QPCT: variants seen among roughly 807,000 people sequenced by gnomAD.
QPCT encodes EC.
In QPCT, 44 loss-of-function variants were observed where a neutral mutation model predicts 43.4. That is an observed-to-expected ratio of 1.01 (90% CI 0.80 to 1.30). The LOEUF (loss-of-function observed/expected upper bound fraction) is 1.30, where lower values mean the gene tolerates loss of function less well. QPCT is among the 50% of genes most tolerant of loss of function. The probability of loss-of-function intolerance (pLI) is 0.00; values close to 1 mark genes in which losing one functional copy is unlikely to be tolerated. For synonymous variants in QPCT, 168 were observed against 168.4 expected, an observed-to-expected ratio of 1.00 and a Z score of 0.02; for missense variants, 526 against 436.5, an observed-to-expected ratio of 1.21 and a Z score of -1.83.
intron 1 of QPCT, among the ~76,000 whole-genome samples, chr2:37,345,454 T>G (rs1011738190): frequency 3.3e-5 from 5 of 152,236 alleles, no homozygotes; most frequent in Non-Finnish European, 7.4e-5. Flanking sequence ...GTACCTGCTA[T>G]TTTCAGAGAA....
chr2:37,348,069 TG>T (rs1558599942), intron 1 of QPCT, among the ~76,000 whole-genome samples: 55 of 151,696 alleles, frequency 3.6e-4, no homozygotes, highest in African/African-American at 1.3e-3. Flanking sequence ...CACGCGTGTG[TG>T]TGTGTGTGTG....
intron 3 of QPCT, among the ~76,000 whole-genome samples, chr2:37,365,908 A>G (rs1672949758): frequency 6.6e-6 from 1 of 152,242 alleles, no homozygotes; most frequent in Non-Finnish European, 1.5e-5. Flanking sequence ...TGTGGTCATG[A>G]ACTTTAAGCA....
intron 4 of QPCT, among the ~76,000 whole-genome samples, chr2:37,367,767 G>A (rs1459888048): frequency 1.3e-5 from 2 of 152,140 alleles, no homozygotes; most frequent in Admixed American, 6.5e-5. Context: ...TACTCAAGAG[G>A]CTAAGGCAGG....
At chr2:37,365,333 A>T (rs1672940709) in intron 3 of QPCT, among the ~76,000 whole-genome samples, 2 of 152,190 alleles carry the variant, frequency 1.3e-5, no homozygotes, top group Admixed American at 6.5e-5. Context: ...AACTGTGTTG[A>T]ATGCTGACAA....
intron 1 of QPCT, 29 bp from the exon 2 acceptor site, chr2:37,352,760 C>T (rs1672648907): frequency 6.2e-7 from 1 of 1,606,942 alleles, no homozygotes; most frequent in African/African-American, 1.3e-5. Context: ...GAAAGGATAG[C>T]TAGTTAAATG....
chr2:37,368,365 ATCT>A (rs1357473891), intron 4 of QPCT: 1 of 137,800 alleles, frequency 7.3e-6, no homozygotes, highest in Non-Finnish European at 1.4e-5. Flanking sequence ...CCCATATTTG[ATCT>A]TCTTTCTGTC....
At chr2:37,351,024 GC>G (rs1164388559) in intron 1 of QPCT, among the ~76,000 whole-genome samples, 3 of 152,212 alleles carry the variant, frequency 2.0e-5, no homozygotes, top group African/African-American at 7.2e-5. Context: ...TATAGCCCAT[GC>G]TCTTTGCATG....
intron 4 of QPCT, 97 bp downstream of exon 4, chr2:37,367,505 T>C: frequency 2.5e-6 from 3 of 1,219,866 alleles, no homozygotes; most frequent in South Asian, 3.0e-5. Context: ...TGCCACAGCA[T>C]CCTTGGAGCA....
chr2:37,369,884 G>C (rs1211485146), intron 5 of QPCT, 100 bp downstream of exon 5: 5 of 1,079,078 alleles, frequency 4.6e-6, no homozygotes, highest in Non-Finnish European at 6.9e-6. Flanking sequence ...GGGCGCAGTG[G>C]CTCACACCTG....
Position 37,359,577 on chromosome 2 carries a change from C to T in QPCT, c.268-3C>T. Reference sequence around the variant, plus strand: ...AAATTTTTTGTTTTTTTGTTTTGATCAGCACATCATGCAGCGAATTCAGAG... The same window carrying T: ...AAATTTTTTGTTTTTTTGTTTTGATTAGCACATCATGCAGCGAATTCAGAG... On this transcript the variant is annotated splice_polypyrimidine_tract_variant and splice_region_variant and intron_variant, in intron 2 of 6. Transcript: ENST00000338415. 6.2e-7 allele frequency: 1 copy of T among 1,602,328 alleles called. No individual in the cohort carries two copies. Among genetic ancestry groups the T allele is most frequent in the Non-Finnish European group, 8.5e-7 (1 of 1,173,308 alleles).
At chr2:37,348,396 A>G (rs1672551185) in intron 1 of QPCT, among the ~76,000 whole-genome samples, 1 of 152,128 alleles carries the variant, frequency 6.6e-6, no homozygotes, top group South Asian at 2.1e-4. Flanking sequence ...TTCAGTTCCT[A>G]ACTATTCCCC....
intron 1 of QPCT, among the ~76,000 whole-genome samples, chr2:37,345,383 G>A (rs1438734081): frequency 6.6e-6 from 1 of 152,218 alleles, no homozygotes; most frequent in African/African-American, 2.4e-5. Context: ...CAACTCGGCA[G>A]GAAGGACCTT....
intron 1 of QPCT, among the ~76,000 whole-genome samples, chr2:37,349,675 C>T (rs577730171): frequency 3.3e-5 from 5 of 152,286 alleles, no homozygotes; most frequent in African/African-American, 4.8e-5. Flanking sequence ...CCCAGCTCTT[C>T]ATCGTCAGAA....
At chr2:37,359,474 A>C (rs568630214) in intron 2 of QPCT, 106 bp from the exon 3 acceptor site, 33 of 1,011,026 alleles carry the variant, frequency 3.3e-5, no homozygotes, top group Admixed American at 2.4e-4. Context: ...TTAAGTGTGT[A>C]TTCCAATTTT....
At chr2:37,366,050 G>A (rs1672952664) in intron 3 of QPCT, among the ~76,000 whole-genome samples, 2 of 152,312 alleles carry the variant, frequency 1.3e-5, no homozygotes, top group South Asian at 4.1e-4. Context: ...GGAGTTGAGG[G>A]TGTATGCTAG....
At chr2:37,367,466 G>T (rs547286548) in intron 4 of QPCT, 58 bp downstream of exon 4, 3 of 1,549,172 alleles carry the variant, frequency 1.9e-6, no homozygotes, top group African/African-American at 1.4e-5. Flanking sequence ...CAAGGAAAAG[G>T]TTGCAAAAGC....
intron 3 of QPCT, among the ~76,000 whole-genome samples, chr2:37,363,385 G>A (rs1025695398): frequency 6.6e-6 from 1 of 151,440 alleles, no homozygotes; most frequent in African/African-American, 2.4e-5. Flanking sequence ...CACTTTGGGA[G>A]GCCGAGGTGG....
intron 3 of QPCT, among the ~76,000 whole-genome samples, chr2:37,362,328 C>A (rs1430068651): frequency 1.3e-5 from 2 of 152,214 alleles, no homozygotes; most frequent in African/African-American, 4.8e-5. Context: ...AATGTCTCTA[C>A]TGAAGCAAGC....
rs1413346364 is a variant in QPCT at position 37,369,837 on chromosome 2, T to C, written c.823+53T>C. 6 of 1,434,904 alleles carry C rather than the reference T, an allele frequency of 4.2e-6. No homozygotes were observed. The African/African-American group carries it at 8.5e-5, about 20-fold the overall frequency. 88.9% of individuals were successfully genotyped at this position (1,434,904 alleles called of 1,614,324 possible). ...AACATCATTTCTTGCTACTGACAGA[T>C]ACTACATTTTTAACATTTAAAATTT... is the stretch of plus-strand genomic sequence containing the variant. On this transcript the variant is annotated intron_variant, in intron 5 of 6. Transcript: ENST00000338415.
Sources: gnomAD v4.1 joint callset for allele counts (sites outside exome capture counted in the v4.1 genomes callset) on GRCh38, gnomAD v4.1.1 for gene constraint, MANE v1.5 for transcripts, NCBI Gene and HGNC (gene_info 2026-07-23, HGNC 2026-07-21) for gene names.